QRICH1: variants seen among roughly 807,000 people sequenced by gnomAD.
QRICH1 encodes transcriptional regulator QRICH1.
A neutral mutation model predicts 87.1 loss-of-function variants in QRICH1; 16 were observed. That is an observed-to-expected ratio of 0.18 (90% CI 0.12 to 0.28). The LOEUF (loss-of-function observed/expected upper bound fraction) is 0.28, where lower values mean the gene tolerates loss of function less well. Ranked by LOEUF, QRICH1 falls within the 10% of genes least tolerant of loss-of-function variation. The pLI is 1.00. For synonymous variants in QRICH1, 367 were observed against 368.4 expected (o/e 1.00, Z 0.05); for missense variants, 647 against 951.7 (o/e 0.68, Z 4.21).
intron 5 of QRICH1, among the ~76,000 whole-genome samples, chr3:49,045,198 G>C (rs1244167405): frequency 6.6e-6 from 1 of 152,086 alleles, no homozygotes; most frequent in East Asian, 1.9e-4. Flanking sequence ...CTTCAAATAA[G>C]TAGTTAGTGC....
intron 2 of QRICH1, among the ~76,000 whole-genome samples, chr3:49,064,218 A>G (rs997211538): frequency 1.4e-5 from 2 of 147,228 alleles, no homozygotes; most frequent in Admixed American, 1.4e-4. Flanking sequence ...GGCGTGAGCC[A>G]CCATGGCTGG....
intron 3 of QRICH1, among the ~76,000 whole-genome samples, chr3:49,048,764 G>T: frequency 7.2e-6 from 1 of 138,062 alleles, no homozygotes; most frequent in Non-Finnish European, 1.5e-5. Context: ...CTCCAGCCTG[G>T]GTAACAGAGT....
chr3:49,082,652 T>C (rs773138122), intron 1 of QRICH1, among the ~76,000 whole-genome samples: 9 of 148,610 alleles, frequency 6.1e-5, no homozygotes, highest in Admixed American at 1.3e-4. Flanking sequence ...TCCCAGCACT[T>C]TGGGAGGCTG....
upstream of QRICH1, chr3:49,094,352 A>G (rs1376275649): frequency 3.6e-6 from 1 of 279,252 alleles, no homozygotes; most frequent in African/African-American, 2.2e-5. Context: ...GTCGCCCGCC[A>G]GAGCCTCCTT....
chr3:49,032,516 C>T (rs1168727706), intron 8 of QRICH1, 106 bp downstream of exon 8: 1 of 1,394,654 alleles, frequency 7.2e-7, no homozygotes, highest in Non-Finnish European at 9.7e-7. Flanking sequence ...GAATTTTATC[C>T]AGCAAATCCC....
intron 2 of QRICH1, among the ~76,000 whole-genome samples, chr3:49,073,499 C>T (rs1470922633): frequency 3.3e-5 from 5 of 150,164 alleles, no homozygotes; most frequent in African/African-American, 7.4e-5. Flanking sequence ...GAGATCACGC[C>T]ACTGCTCTCC....
At chr3:49,076,436 C>A (rs2041952786) in intron 2 of QRICH1, among the ~76,000 whole-genome samples, 1 of 151,950 alleles carries the variant, frequency 6.6e-6, no homozygotes, top group Non-Finnish European at 1.5e-5. Context: ...TCATAGATGA[C>A]CCGCTTCTGG....
chr3:49,064,459 G>A (rs1042096191), intron 2 of QRICH1, among the ~76,000 whole-genome samples: 2 of 151,700 alleles, frequency 1.3e-5, no homozygotes, highest in African/African-American at 4.8e-5. Flanking sequence ...CCCCATGTTG[G>A]CCAACCTGGT....
chr3:49,038,577 G>A (rs1345996468), intron 6 of QRICH1, among the ~76,000 whole-genome samples: 1 of 151,870 alleles, frequency 6.6e-6, no homozygotes, highest in African/African-American at 2.4e-5. Flanking sequence ...ACCACACCCA[G>A]CTAATTTTTG....
At chr3:49,045,425 T>A (rs972574357) in intron 5 of QRICH1, among the ~76,000 whole-genome samples, 19 of 152,060 alleles carry the variant, frequency 1.2e-4, no homozygotes, top group African/African-American at 3.9e-4. Flanking sequence ...ATTTTATTAT[T>A]TATTTTATGT....
chr3:49,042,937 C>T (rs1007613075), intron 6 of QRICH1, among the ~76,000 whole-genome samples: 1 of 152,078 alleles, frequency 6.6e-6, no homozygotes, highest in African/African-American at 2.4e-5. Context: ...CACATGTCAT[C>T]ATACATTCAT....
intron 2 of QRICH1, among the ~76,000 whole-genome samples, chr3:49,075,870 G>A (rs1269435950): frequency 6.6e-6 from 1 of 151,796 alleles, no homozygotes; most frequent in African/African-American, 2.4e-5. Context: ...TGAACCCGGG[G>A]GACAGAGGCA....
intron 1 of QRICH1, among the ~76,000 whole-genome samples, chr3:49,091,231 A>G (rs1430380269): frequency 6.6e-6 from 1 of 152,222 alleles, no homozygotes; most frequent in African/African-American, 2.4e-5. Flanking sequence ...TCAAAAAATA[A>G]TAATAAAAAT....
chr3:49,055,290 T>C (rs1440859299), intron 3 of QRICH1, among the ~76,000 whole-genome samples: 3 of 152,174 alleles, frequency 2.0e-5, no homozygotes, highest in East Asian at 1.9e-4. Context: ...AACATATGCA[T>C]GCTCAGGAGC....
chr3:49,067,242 A>T (rs2093473773), intron 2 of QRICH1, among the ~76,000 whole-genome samples: 1 of 152,172 alleles, frequency 6.6e-6, no homozygotes, highest in South Asian at 2.1e-4. Context: ...CCAAAATAGT[A>T]AGAATTTAAA....
intron 2 of QRICH1, among the ~76,000 whole-genome samples, chr3:49,058,562 C>G (rs539790464): frequency 6.6e-6 from 1 of 152,118 alleles, no homozygotes; most frequent in Non-Finnish European, 1.5e-5. Context: ...CTGACCTCAA[C>G]TGGTCCACCC....
At chr3:49,030,736 T>C in intron 9 of QRICH1, 92 bp from the exon 10 acceptor site, 1 of 1,139,554 alleles carries the variant, frequency 8.8e-7, no homozygotes, top group South Asian at 1.6e-5. Flanking sequence ...CTGCAAACAG[T>C]AAGGCCCCAA....
chr3:49,033,322 AG>A (rs1279437006), intron 6 of QRICH1, 94 bp from the exon 7 acceptor site: 5 of 706,760 alleles, frequency 7.1e-6, no homozygotes, highest in Non-Finnish European at 8.4e-6. Context: ...ACCACACAGG[AG>A]TATAAATTTC....
At chr3:49,059,769 G>C (rs918511340) in intron 2 of QRICH1, among the ~76,000 whole-genome samples, 1 of 151,344 alleles carries the variant, frequency 6.6e-6, no homozygotes, top group African/African-American at 2.4e-5. Flanking sequence ...CCCCAGGCTG[G>C]AGTGATATGG....
Sources: gnomAD v4.1 joint callset for allele counts (sites outside exome capture counted in the v4.1 genomes callset) on GRCh38, gnomAD v4.1.1 for gene constraint, MANE v1.5 for transcripts, NCBI Gene and HGNC (gene_info 2026-07-23, HGNC 2026-07-21) for gene names.